The following TTC23L variants were observed in gnomAD, a reference collection of about 807,000 sequenced individuals.
The protein encoded by TTC23L is tetratricopeptide repeat protein 23-like.
TTC23L carries 42 observed loss-of-function variants against 48.1 expected under a neutral mutation model. The ratio of observed to expected loss-of-function variants is 0.87; its 90% CI spans 0.68 to 1.13. The LOEUF is 1.13. TTC23L is among the 50% of genes most tolerant of loss of function. The pLI is 0.00. For synonymous variants in TTC23L, 159 were observed against 157.2 expected (o/e 1.01, Z -0.09); for missense variants, 391 against 421.0 (o/e 0.93, Z 0.62).
the TTC23L span, chr5:34,918,441 G>A: frequency 1.9e-6 from 3 of 1,609,248 alleles, no homozygotes; most frequent in Non-Finnish European, 2.5e-6. Flanking sequence ...ATTTAATGCA[G>A]GACTTGAGAA....
chr5:34,884,134 A>G (rs1762406677), intron 9 of TTC23L, among the ~76,000 whole-genome samples: 1 of 152,184 alleles, frequency 6.6e-6, no homozygotes, highest in Admixed American at 6.5e-5. Context: ...ACACCACCTT[A>G]ACAGAATGAA....
downstream of TTC23L, among the ~76,000 whole-genome samples, chr5:34,900,050 C>G (rs1763461821): frequency 6.6e-6 from 1 of 152,234 alleles, no homozygotes; most frequent in East Asian, 1.9e-4. Context: ...CCTTTCAGTT[C>G]TGACTTTTTA....
chr5:34,921,333 C>T, the TTC23L span: 7 of 152,244 alleles, frequency 4.6e-5, no homozygotes, highest in East Asian at 1.3e-3. Context: ...AGGCTTTTCA[C>T]CCAATCCCTT....
intron 9 of TTC23L, among the ~76,000 whole-genome samples, chr5:34,894,283 G>GA (rs1252749932): frequency 1.6e-4 from 25 of 151,836 alleles, no homozygotes; most frequent in Middle Eastern, 3.4e-3. Flanking sequence ...CAAACAATGG[G>GA]AAAAAAATGT....
chr5:34,899,955 G>T (rs150223139), downstream of TTC23L, among the ~76,000 whole-genome samples: 180 of 152,254 alleles, frequency 1.2e-3, no homozygotes, highest in African/African-American at 4.2e-3. Flanking sequence ...TTGGGGGAAA[G>T]AAATCTTTTA....
At chr5:34,920,261 T>G in the TTC23L span, 1 of 153,946 alleles carries the variant, frequency 6.5e-6, no homozygotes, top group African/African-American at 2.4e-5. Context: ...AAAAGTGTTT[T>G]GCCAGTATTA....
chr5:34,866,871 T>G, intron 6 of TTC23L, 21 bp from the exon 7 acceptor site: 1 of 1,558,790 alleles, frequency 6.4e-7, no homozygotes, highest in Non-Finnish European at 8.7e-7. Flanking sequence ...TGACTTTCTA[T>G]TTTCATCCCT....
intron 2 of TTC23L, among the ~76,000 whole-genome samples, chr5:34,841,476 G>A (rs1758668189): frequency 6.6e-6 from 1 of 152,100 alleles, no homozygotes; most frequent in Non-Finnish European, 1.5e-5. Context: ...GCTAGTAAAT[G>A]GTATTTAAAC....
chr5:34,914,824 G>A, the TTC23L span: 1 of 1,614,148 alleles, frequency 6.2e-7, no homozygotes, highest in Non-Finnish European at 8.5e-7. Flanking sequence ...GATTCCTAAC[G>A]TTGTCAAGGC....
At chr5:34,911,858 G>A in the TTC23L span, 1 of 1,580,178 alleles carries the variant, frequency 6.3e-7, no homozygotes, top group Non-Finnish European at 8.6e-7. Flanking sequence ...TATAGTTCTG[G>A]GTTCAGCTTC....
the TTC23L span, chr5:34,915,882 A>G: frequency 4.5e-6 from 7 of 1,556,822 alleles, no homozygotes; most frequent in Non-Finnish European, 6.1e-6. Flanking sequence ...ACCGGATCCC[A>G]GGCCCCGTTT....
At chr5:34,878,045 A>C (rs2892623) in intron 8 of TTC23L, among the ~76,000 whole-genome samples, 20,724 of 152,224 alleles carry the variant, frequency 0.14, 1,613 homozygotes, top group Middle Eastern at 0.22. Flanking sequence ...ATGAATAAGT[A>C]AAATTTAAAA....
chr5:34,917,575 G>A, the TTC23L span, among the ~76,000 whole-genome samples: 2 of 152,110 alleles, frequency 1.3e-5, no homozygotes, highest in Admixed American at 6.5e-5. Context: ...GGGAGGTGGA[G>A]GTTGCAGTGA....
chr5:34,923,103 T>A, the TTC23L span: 19 of 1,588,230 alleles, frequency 1.2e-5, no homozygotes, highest in Non-Finnish European at 1.6e-5. Context: ...TATCTTGGAA[T>A]AAGGAACTAA....
At chr5:34,923,827 ACTGT>A in the TTC23L span, among the ~76,000 whole-genome samples, 1 of 152,212 alleles carries the variant, frequency 6.6e-6, no homozygotes, top group African/African-American at 2.4e-5. Flanking sequence ...GTAACTATGT[ACTGT>A]CTTATATCTT....
downstream of TTC23L, among the ~76,000 whole-genome samples, chr5:34,902,993 G>A (rs1423701860): frequency 6.6e-6 from 1 of 151,242 alleles, no homozygotes; most frequent in Non-Finnish European, 1.5e-5. Context: ...GAAAGAAATG[G>A]CCATTCAGAC....
the TTC23L span, chr5:34,915,302 G>A: frequency 3.7e-6 from 1 of 267,350 alleles, no homozygotes; most frequent in East Asian, 8.9e-5. Flanking sequence ...ATGGCGGGGC[G>A]GGCCCGGAGT....
intron 4 of TTC23L, among the ~76,000 whole-genome samples, chr5:34,855,741 A>G (rs1760076077): frequency 6.6e-6 from 1 of 152,216 alleles, no homozygotes; most frequent in Non-Finnish European, 1.5e-5. Flanking sequence ...TCTTTAGGGA[A>G]AAGAGAATGC....
chr5:34,864,627 G>A, intron 6 of TTC23L, 65 bp downstream of exon 6: 1 of 1,491,952 alleles, frequency 6.7e-7, no homozygotes. Flanking sequence ...ATGATATAAG[G>A]GAGAAAAATA....
Sources: gnomAD v4.1 joint callset for allele counts (sites outside exome capture counted in the v4.1 genomes callset) on GRCh38, gnomAD v4.1.1 for gene constraint, MANE v1.5 for transcripts, NCBI Gene and HGNC (gene_info 2026-07-23, HGNC 2026-07-21) for gene names.